The following SYCP1 variants were observed in gnomAD, a reference collection of about 807,000 sequenced individuals.
SYCP1 encodes cancer/testis antigen 8.
In SYCP1, 64 loss-of-function variants were observed where a neutral mutation model predicts 153.1. The observed-to-expected ratio is 0.42, with a 90% CI of 0.34 to 0.51. The LOEUF (loss-of-function observed/expected upper bound fraction) is 0.51. Among genes scored for constraint, SYCP1 ranks in the 20% least tolerant of loss-of-function variants. The probability of loss-of-function intolerance (pLI) is 0.06; values close to 1 mark genes in which losing one functional copy is unlikely to be tolerated. For synonymous variants in SYCP1, 384 were observed against 341.8 expected, an observed-to-expected ratio of 1.12 and a Z score of -1.36; for missense variants, 997 against 1,049.0, an observed-to-expected ratio of 0.95 and a Z score of 0.68.
chr1:114,968,889 A>C (rs1383387559), intron 27 of SYCP1, among the ~76,000 whole-genome samples: 3 of 152,116 alleles, frequency 2.0e-5, no homozygotes, highest in Non-Finnish European at 4.4e-5. Flanking sequence ...GTTGATGTTG[A>C]TGATACTGCT....
At chr1:114,857,160 G>GAC (rs1664044004) in intron 3 of SYCP1, 72 bp from the exon 4 acceptor site, 6 of 595,912 alleles carry the variant, frequency 1.0e-5, no homozygotes, top group Non-Finnish European at 1.5e-5. Flanking sequence ...AAAAAAAAGA[G>GAC]AAAAAAGAAA....
At chr1:114,959,553 C>T (rs1370102752) in intron 27 of SYCP1, among the ~76,000 whole-genome samples, 2 of 152,088 alleles carry the variant, frequency 1.3e-5, no homozygotes, top group Admixed American at 1.3e-4. Flanking sequence ...TATCCATCAC[C>T]TCAAGCATTT....
chr1:114,899,935 T>C (rs565884676), intron 16 of SYCP1, among the ~76,000 whole-genome samples: 7 of 152,320 alleles, frequency 4.6e-5, no homozygotes, highest in East Asian at 1.9e-4. Flanking sequence ...CTGTAAAATA[T>C]GTTAGAGGTT....
chr1:114,947,811 C>CAAAA (rs1174716918), intron 27 of SYCP1, among the ~76,000 whole-genome samples: 122 of 43,898 alleles, frequency 2.8e-3, no homozygotes, highest in Admixed American at 4.4e-3. Context: ...GACTCCGTCT[C>CAAAA]AAAAAAAAAA....
intron 8 of SYCP1, among the ~76,000 whole-genome samples, chr1:114,872,364 T>C (rs1665207887): frequency 6.6e-6 from 1 of 152,214 alleles, no homozygotes; most frequent in African/African-American, 2.4e-5. Context: ...TTAAATATTT[T>C]ACTCCATTCT....
chr1:114,856,455 G>T (rs1394209824), intron 2 of SYCP1, 118 bp from the exon 3 acceptor site: 1 of 592,272 alleles, frequency 1.7e-6, no homozygotes, highest in African/African-American at 1.9e-5. Context: ...GTACATTAAA[G>T]GATTTGCAAT....
chr1:114,936,321 A>G (rs1488300523), intron 23 of SYCP1, among the ~76,000 whole-genome samples: 1 of 152,206 alleles, frequency 6.6e-6, no homozygotes, highest in Admixed American at 6.5e-5. Context: ...ATCTCAATAG[A>G]TGCAGAAAAG....
Position 114,855,571 on chromosome 1 carries a change from A to G in SYCP1, c.107A>G (p.Lys36Arg), listed in dbSNP as rs1663879695. 8 of 1,606,028 alleles carry G rather than the reference A, an allele frequency of 5.0e-6. No homozygotes were observed. The highest frequency in any genetic ancestry group is 5.1e-6 in the Non-Finnish European group (6 of 1,175,250). ...CTGGGAGGCGATTCCACTTTCTTCA[A>G]GGTAAATTTCCATGTGACTCTTAAT... ...QTLGGDSTFF[K>R]SFNKCTEDDF... The change falls in exon 2 of 32, where the codon AAG becomes AGG. Residue 36 changes from lysine to arginine, a missense_variant and splice_region_variant. Transcript: ENST00000369522.
chr1:114,994,916 T>G lies in SYCP1; in HGVS notation c.2828T>G (p.Leu943Arg), dbSNP rs538229488. Residue 943 changes from leucine (L) to arginine (R), a missense_variant, in exon 32 of 32, where the codon CTG becomes CGG. Around this residue, in one of 2 missense-constraint regions of SYCP1, gnomAD observed 712 missense variants for 682.9 expected, o/e 1.04. Coordinates refer to ENST00000369522, the MANE Select transcript of SYCP1 (RefSeq NM_003176.4). Reference sequence around the variant, plus strand: ...TCTCTAACAACCCCTGGATCTACACTGAAGTTTGGAGCTATAAGAAAAATG... The same window carrying G: ...TCTCTAACAACCCCTGGATCTACACGGAAGTTTGGAGCTATAAGAAAAATG... ...PSSLTTPGST[L>R]KFGAIRKMRE... 19 of 1,608,768 alleles carry G rather than the reference T, an allele frequency of 1.2e-5. No individual in the cohort carries two copies. The African/African-American group carries it at 1.9e-4, about 16-fold the overall frequency.
intron 27 of SYCP1, among the ~76,000 whole-genome samples, chr1:114,956,282 T>C (rs978549863): frequency 3.3e-5 from 5 of 152,160 alleles, no homozygotes; most frequent in African/African-American, 1.2e-4. Context: ...TAGTCCTTCC[T>C]GCTGCAATCA....
intron 30 of SYCP1, among the ~76,000 whole-genome samples, chr1:114,988,080 C>CAAAA (rs34553973): frequency 8.6e-4 from 99 of 114,612 alleles, no homozygotes; most frequent in African/African-American, 2.2e-3. Context: ...TGATAAACGG[C>CAAAA]AAAAAAAAAA....
intron 11 of SYCP1, among the ~76,000 whole-genome samples, chr1:114,877,136 T>C (rs1416031698): frequency 6.6e-6 from 1 of 152,144 alleles, no homozygotes; most frequent in Non-Finnish European, 1.5e-5. Context: ...AGATGATCAT[T>C]GACTACTCAA....
At chr1:114,871,199 G>C (rs1211061274) in intron 8 of SYCP1, among the ~76,000 whole-genome samples, 2 of 141,026 alleles carry the variant, frequency 1.4e-5, no homozygotes, top group South Asian at 2.3e-4. Context: ...ACAGAGTCTT[G>C]TTTTATTGCC....
chr1:114,866,945 A>G (rs1256621232), intron 8 of SYCP1, among the ~76,000 whole-genome samples: 1 of 149,646 alleles, frequency 6.7e-6, no homozygotes, highest in Admixed American at 6.7e-5. Flanking sequence ...TTTCAGCATC[A>G]TTTGTTGAAA....
chr1:114,905,132 T>A (rs1053913042), intron 16 of SYCP1, among the ~76,000 whole-genome samples: 3 of 152,200 alleles, frequency 2.0e-5, no homozygotes, highest in African/African-American at 7.2e-5. Flanking sequence ...GAGATATTGG[T>A]CTGTAGATTT....
At chr1:114,855,683 C>T (rs531229530) in intron 2 of SYCP1, 111 bp downstream of exon 2, 7 of 805,078 alleles carry the variant, frequency 8.7e-6, no homozygotes, top group African/African-American at 5.2e-5. Context: ...AATAAATGGT[C>T]TCATTTACCC....
chr1:114,865,690 A>G (rs1032574477), intron 8 of SYCP1, among the ~76,000 whole-genome samples: 1 of 152,248 alleles, frequency 6.6e-6, no homozygotes, highest in African/African-American at 2.4e-5. Flanking sequence ...ATGAACCTAC[A>G]TAGGCACATC....
intron 17 of SYCP1, among the ~76,000 whole-genome samples, chr1:114,910,932 A>T (rs1197426223): frequency 6.6e-6 from 1 of 152,052 alleles, no homozygotes; most frequent in African/African-American, 2.4e-5. Flanking sequence ...CTAGCCAAGT[A>T]TTTCTTAATT....
At position 114,913,955 on chromosome 1, in the gene SYCP1, A is replaced by C; in HGVS notation, c.1648-20A>C. ...TTTGTTTAAACAAAATAATTGATATAAACAACATTATTTCTTTAGAATAAC... is the reference window on the plus strand; with the variant it reads ...TTTGTTTAAACAAAATAATTGATATCAACAACATTATTTCTTTAGAATAAC... On this transcript the variant is annotated intron_variant, in intron 19 of 31. Transcript: ENST00000369522. 6.7e-7 allele frequency: 1 copy of C among 1,495,590 alleles called. No homozygotes were observed. The highest frequency in any genetic ancestry group is 1.3e-5 in the South Asian group (1 of 75,510). 92.6% of individuals were successfully genotyped at this position (1,495,590 alleles called of 1,614,324 possible).
Sources: gnomAD v4.1 joint callset for allele counts (sites outside exome capture counted in the v4.1 genomes callset) on GRCh38, gnomAD v4.1.1 for gene constraint, gnomAD v4.1.1 regional missense constraint, MANE v1.5 for transcripts, NCBI Gene and HGNC (gene_info 2026-07-23, HGNC 2026-07-21) for gene names.